Variants in STAB2 observed in about 807,000 individuals in gnomAD.
The protein encoded by STAB2 is stabilin-2.
In STAB2, 288 loss-of-function variants were observed where a neutral mutation model predicts 338.1. The ratio of observed to expected loss-of-function variants is 0.85; its 90% CI spans 0.77 to 0.94. The LOEUF is 0.94. Ranked by LOEUF, STAB2 falls within the 40% of genes least tolerant of loss-of-function variation. STAB2 has a pLI of 0.00. For missense variants in STAB2, 3,141 were observed against 3,210.1 expected (o/e 0.98, Z 0.52); for synonymous variants, 1,202 against 1,193.3 (o/e 1.01, Z -0.15).
intron 3 of STAB2, among the ~76,000 whole-genome samples, chr12:103,616,137 G>A (rs563079487): frequency 6.6e-6 from 1 of 152,314 alleles, no homozygotes; most frequent in East Asian, 1.9e-4. Flanking sequence ...GAAGAAGAAT[G>A]TCCAGACTTC....
In STAB2 at chr12:103,739,395, CT is replaced by C; in HGVS notation, c.5698-13del. 1.3e-6 allele frequency: 2 copies of C among 1,565,044 alleles called. No individual in the cohort carries two copies. Among genetic ancestry groups the C allele is most frequent in the Non-Finnish European group, 1.7e-6 (2 of 1,157,174 alleles). ...TGATATTCTTGGTTTTCAAGTGTTT[CT>C]TTTCTTGCATACTAGGGGGAGTGTG... On this transcript the variant is annotated splice_polypyrimidine_tract_variant and intron_variant, in intron 53 of 68. Transcript: ENST00000388887.
chr12:103,683,179 A>G, intron 25 of STAB2, 26 bp from the exon 26 acceptor site: 1 of 1,601,614 alleles, frequency 6.2e-7, no homozygotes, highest in South Asian at 1.1e-5. Flanking sequence ...TCAATAATCC[A>G]CTTGACTCTG....
At chr12:103,675,889 G>A (rs141678485) in intron 23 of STAB2, 39 bp from the exon 24 acceptor site, 16 of 1,543,320 alleles carry the variant, frequency 1.0e-5, no homozygotes, top group East Asian at 2.3e-5. Flanking sequence ...GGTCGTTGGT[G>A]CTTATTCTGG....
chr12:103,664,723 G>A (rs942086757), intron 18 of STAB2, among the ~76,000 whole-genome samples: 1 of 152,168 alleles, frequency 6.6e-6, no homozygotes, highest in Non-Finnish European at 1.5e-5. Flanking sequence ...CCTGGCACAG[G>A]ATTGTGGCTG....
chr12:103,748,870 A>G, intron 58 of STAB2, 93 bp from the exon 59 acceptor site: 2 of 1,339,790 alleles, frequency 1.5e-6, no homozygotes, highest in Non-Finnish European at 2.0e-6. Context: ...TACTCACCCA[A>G]CACCACTAGT....
intron 29 of STAB2, 26 bp downstream of exon 29, chr12:103,690,008 A>T (rs1374117450): frequency 6.2e-7 from 1 of 1,606,796 alleles, no homozygotes; most frequent in African/African-American, 1.3e-5. Flanking sequence ...TTTATTTTAC[A>T]TCGTATCTGA....
At chr12:103,706,630 C>T (rs1468154112) in intron 37 of STAB2, among the ~76,000 whole-genome samples, 162 bp from the exon 38 acceptor site, 2 of 152,130 alleles carry the variant, frequency 1.3e-5, no homozygotes, top group Non-Finnish European at 2.9e-5. Context: ...ATTGCCAAGC[C>T]TCACCCAGTC....
intron 67 of STAB2, chr12:103,763,267 T>G (rs757056952): frequency 1.5e-5 from 8 of 543,950 alleles, no homozygotes; most frequent in Non-Finnish European, 2.3e-5. Context: ...ATGCCCTATG[T>G]GCCGATTTGG....
intron 31 of STAB2, among the ~76,000 whole-genome samples, chr12:103,695,119 G>A (rs897578460): frequency 5.3e-5 from 8 of 152,184 alleles, no homozygotes; most frequent in African/African-American, 1.9e-4. Flanking sequence ...AGACTTCAGA[G>A]AAAATAAATG....
intron 27 of STAB2, among the ~76,000 whole-genome samples, chr12:103,685,422 C>CTGTGTGTGTGTGTGTGTGTGTGTG (rs141365936): frequency 2.1e-5 from 3 of 145,816 alleles, no homozygotes; most frequent in African/African-American, 7.5e-5. Flanking sequence ...CTTACCCATG[C>CTGTGTGTGTGTGTGTGTGTGTGTG]TGTGTGTGTG....
rs1881527299 is a variant in STAB2 at position 103,730,226 on chromosome 12, C to T, written c.5193C>T (p.Ile1731=). 4 of 1,613,658 alleles carry T rather than the reference C, an allele frequency of 2.5e-6. No homozygotes were observed. Among genetic ancestry groups the T allele is most frequent in the Non-Finnish European group, 3.4e-6 (4 of 1,179,800 alleles). The change falls in exon 49 of 69, where the codon ATC becomes ATT. Residue 1731 remains isoleucine (I), a synonymous_variant. Transcript: ENST00000388887. ...TGCTATCTCCCAAAAATTTGCTTAT[C>T]ACTCCCAAAGACAACTCTGGAAGAA... The part of the protein sequence containing the change: ...DKLLSPKNLL[I]TPKDNSGRIL...
intron 40 of STAB2, 84 bp downstream of exon 40, chr12:103,711,600 G>A: frequency 1.3e-6 from 2 of 1,482,392 alleles, no homozygotes; most frequent in Non-Finnish European, 1.8e-6. Context: ...ATCCTCAGGG[G>A]ATTTGTTTCC....
At chr12:103,759,080 C>T (rs891858113) in intron 64 of STAB2, 53 bp from the exon 65 acceptor site, 52 of 1,613,604 alleles carry the variant, frequency 3.2e-5, no homozygotes, top group Middle Eastern at 1.6e-4. Flanking sequence ...ATTAAAAAGA[C>T]AAAATATTGC....
chr12:103,699,273 C>A (rs1277140873), intron 34 of STAB2, 46 bp downstream of exon 34: 2 of 1,577,628 alleles, frequency 1.3e-6, no homozygotes, highest in African/African-American at 1.3e-5. Context: ...CCGAGAATTA[C>A]ATCAGGGAGA....
At chr12:103,645,999 G>A (rs1306198982) in intron 9 of STAB2, among the ~76,000 whole-genome samples, 1 of 152,146 alleles carries the variant, frequency 6.6e-6, no homozygotes, top group Non-Finnish European at 1.5e-5. Context: ...AAAACTCATA[G>A]GCAGCCGAGC....
At chr12:103,759,744 C>A (rs984349610) in intron 65 of STAB2, among the ~76,000 whole-genome samples, 1 of 151,900 alleles carries the variant, frequency 6.6e-6, no homozygotes, top group Non-Finnish European at 1.5e-5. Flanking sequence ...GATTGTGATA[C>A]AAGGGAGGGA....
intron 6 of STAB2, 87 bp from the exon 7 acceptor site, chr12:103,637,024 T>A: frequency 1.4e-6 from 2 of 1,403,246 alleles, no homozygotes; most frequent in Non-Finnish European, 1.9e-6. Context: ...TTGTATTGCT[T>A]TTTAATAAAA....
intron 28 of STAB2, among the ~76,000 whole-genome samples, chr12:103,688,559 C>G (rs1311555731): frequency 6.6e-6 from 1 of 152,198 alleles, no homozygotes; most frequent in Non-Finnish European, 1.5e-5. Context: ...GGATTTATAG[C>G]TGCAATCTGA....
rs558816125 is a variant in STAB2 at position 103,641,084 on chromosome 12, C to T, written c.1040+828C>T. On this transcript the variant is annotated intron_variant, in intron 9 of 68. Transcript: ENST00000388887. ...CTACCATCAGCATCTGAGAAAGACTCATAGTGCCATTGTGAGCTCAAAACC... is the reference window on the plus strand; with the variant it reads ...CTACCATCAGCATCTGAGAAAGACTTATAGTGCCATTGTGAGCTCAAAACC... 9.8e-5 allele frequency among the ~76,000 whole-genome samples: 15 copies of T among 152,336 alleles called. No homozygotes were observed. In the South Asian group the frequency reaches 3.1e-3, roughly 32 times the overall value.
Sources: allele counts gnomAD v4.1 joint callset (sites outside exome capture counted in the v4.1 genomes callset), GRCh38; gene constraint gnomAD v4.1.1; transcripts MANE v1.5; gene names NCBI Gene and HGNC (gene_info 2026-07-23, HGNC 2026-07-21).